MITF: variants seen among roughly 807,000 people sequenced by gnomAD.
MITF encodes the protein melanocyte inducing transcription factor.
In MITF, 17 loss-of-function variants were observed where a neutral mutation model predicts 60.5. The ratio of observed to expected loss-of-function variants is 0.28; its 90% CI spans 0.19 to 0.42. The LOEUF (loss-of-function observed/expected upper bound fraction) is 0.42. MITF is among the 10% of genes least tolerant of loss of function. The pLI is 1.00. For synonymous variants in MITF, 260 were observed against 248.5 expected, an observed-to-expected ratio of 1.05 and a Z score of -0.43; for missense variants, 622 against 683.5, an observed-to-expected ratio of 0.91 and a Z score of 1.00.
intron 1 of MITF, among the ~76,000 whole-genome samples, chr3:69,753,553 C>T (rs1704014625): frequency 6.6e-6 from 1 of 152,222 alleles, no homozygotes; most frequent in African/African-American, 2.4e-5. Context: ...AAGCCACAGG[C>T]AGTCAATGCC....
In MITF at chr3:69,808,362, T is replaced by C. The variant is rs75248452; in HGVS notation, c.104+68661T>C. ...GGGCAGCAGGTATAAACTGGAACTATCTCAGGAAAGTTGAGATGAATGGTC... is the reference window on the plus strand; with the variant it reads ...GGGCAGCAGGTATAAACTGGAACTACCTCAGGAAAGTTGAGATGAATGGTC... On this transcript the variant is annotated intron_variant, in intron 1 of 9. Transcript: ENST00000352241. 3.9e-5 allele frequency among the ~76,000 whole-genome samples: 6 copies of C among 152,232 alleles called. No individual in the cohort carries two copies. The East Asian group carries it at 1.2e-3, about 29-fold the overall frequency.
In MITF at chr3:69,950,448, T is replaced by TTATATATATA. The variant is rs10604038; in HGVS notation, c.880+1300_880+1309dup. Among the ~76,000 whole-genome samples, 522 of 130,768 alleles carry TTATATATATA rather than the reference T, an allele frequency of 4.0e-3. 2 individuals are homozygous for TTATATATATA. The highest frequency in any genetic ancestry group is 0.025 in the Middle Eastern group (6 of 244). The allele number at this position is 130,768 out of a possible 152,430, so 85.8% of individuals were successfully genotyped here. ...CAACTGAAAGAATTCAACTTCTGAGTTATATATATATATATATATATATAT... is the reference window on the plus strand; with the variant it reads ...CAACTGAAAGAATTCAACTTCTGAGTTATATATATATATATATATATATATATATATATAT... On this transcript the variant is annotated intron_variant, in intron 6 of 9. Coordinates refer to ENST00000352241, the MANE Select transcript of MITF (RefSeq NM_001354604.2).
chr3:69,798,123 T>C (rs1448958892), intron 1 of MITF, among the ~76,000 whole-genome samples: 2 of 152,180 alleles, frequency 1.3e-5, no homozygotes, highest in Non-Finnish European at 2.9e-5. Flanking sequence ...TGCCTCAGTC[T>C]CCCCATGTGT....
chr3:69,959,447 T>C lies in MITF; in HGVS notation c.1179+27T>C, dbSNP rs199850529. 5.1e-5 allele frequency: 82 copies of C among 1,613,228 alleles called. 1 individual carries two copies. Among genetic ancestry groups the C allele is most frequent in the Non-Finnish European group, 6.8e-6 (8 of 1,179,624 alleles). On this transcript the variant is annotated intron_variant, in intron 9 of 9. Coordinates refer to ENST00000352241, the MANE Select transcript of MITF (RefSeq NM_001354604.2). ...TACGCAGCCTGAGTTGTGTAAAGTT[T>C]ACTGCTTTTTACCGACTTCAAGACA...
intron 1 of MITF, among the ~76,000 whole-genome samples, chr3:69,745,727 G>A (rs761317664): frequency 2.4e-4 from 37 of 152,250 alleles, no homozygotes; most frequent in Admixed American, 1.2e-3. Context: ...AGGGAGCCCT[G>A]CTTAAGTGCT....
At chr3:69,772,021 G>A (rs1559620648) in intron 1 of MITF, among the ~76,000 whole-genome samples, 1 of 152,188 alleles carries the variant, frequency 6.6e-6, no homozygotes, top group East Asian at 1.9e-4. Flanking sequence ...TAGGATTGAT[G>A]TATGTCTTTT....
chr3:69,764,503 G>T (rs1365548447), intron 1 of MITF, among the ~76,000 whole-genome samples: 1 of 152,208 alleles, frequency 6.6e-6, no homozygotes, highest in East Asian at 1.9e-4. Context: ...TCTTTGTCTT[G>T]CAGTTTAAAC....
At chr3:69,961,713 A>C (rs2066553442) in intron 9 of MITF, among the ~76,000 whole-genome samples, 1 of 152,218 alleles carries the variant, frequency 6.6e-6, no homozygotes, top group African/African-American at 2.4e-5. Context: ...CTATAGAGCA[A>C]GACTCCGTCT....
chr3:69,835,549 C>G (rs1367899508), intron 1 of MITF, among the ~76,000 whole-genome samples: 1 of 152,032 alleles, frequency 6.6e-6, no homozygotes, highest in East Asian at 1.9e-4. Context: ...AAATCCTTGC[C>G]AAGCCCAGTG....
chr3:69,927,867 A>G (rs774007073), intron 2 of MITF, among the ~76,000 whole-genome samples: 6 of 152,252 alleles, frequency 3.9e-5, no homozygotes, highest in Middle Eastern at 3.2e-3. Context: ...GAAAGCCTGA[A>G]CTATATGGCT....
At chr3:69,876,454 C>T (rs2064356874) in intron 1 of MITF, among the ~76,000 whole-genome samples, 1 of 151,252 alleles carries the variant, frequency 6.6e-6, no homozygotes, top group Non-Finnish European at 1.5e-5. Flanking sequence ...TCACAGCTCT[C>T]CTTCTTTTCT....
chr3:69,871,582 C>T (rs1276636373), intron 1 of MITF, among the ~76,000 whole-genome samples: 1 of 152,198 alleles, frequency 6.6e-6, no homozygotes, highest in Non-Finnish European at 1.5e-5. Flanking sequence ...TTCACTGCTC[C>T]TTAGATTACA....
At chr3:69,778,140 G>T (rs2062504571) in intron 1 of MITF, among the ~76,000 whole-genome samples, 1 of 152,160 alleles carries the variant, frequency 6.6e-6, no homozygotes. Context: ...AGTGGTAAGA[G>T]AGAGCAAGGA....
At chr3:69,840,184 C>T (rs1357375239) in intron 1 of MITF, among the ~76,000 whole-genome samples, 1 of 152,150 alleles carries the variant, frequency 6.6e-6, no homozygotes, top group Non-Finnish European at 1.5e-5. Flanking sequence ...CAAGGGTGGT[C>T]ATCTGTCCTC....
intron 1 of MITF, among the ~76,000 whole-genome samples, chr3:69,812,493 C>G (rs1301158193): frequency 6.6e-6 from 1 of 152,150 alleles, no homozygotes; most frequent in East Asian, 1.9e-4. Context: ...TTTAAGTGTT[C>G]ATTGAATTCT....
rs200650168 is a variant in MITF, at chr3:69,965,298, G to A, written c.*50G>A. On this transcript the variant is annotated 3_prime_UTR_variant, in exon 10 of 10. Transcript: ENST00000352241. ...CACAAACTGCTTCCTTTCTTGATTC[G>A]TAGATTTAATAACTTACCTGAAGGG... 1.0e-4 allele frequency: 160 copies of A among 1,596,146 alleles called. 3 individuals are homozygous for A. The East Asian group carries it at 1.3e-3, about 13-fold the overall frequency.
intron 1 of MITF, among the ~76,000 whole-genome samples, chr3:69,783,425 T>C (rs1313511907): frequency 6.6e-6 from 1 of 151,626 alleles, no homozygotes; most frequent in Non-Finnish European, 1.5e-5. Context: ...GAATACTTAG[T>C]CAAGTGTTTG....
At chr3:69,960,481 A>C (rs1481432127) in intron 9 of MITF, among the ~76,000 whole-genome samples, 1 of 152,118 alleles carries the variant, frequency 6.6e-6, no homozygotes, top group African/African-American at 2.4e-5. Flanking sequence ...GTTGAGTGAA[A>C]GGGCACTACT....
At chr3:69,892,796 CA>C (rs2064788530) in intron 2 of MITF, among the ~76,000 whole-genome samples, 1 of 152,176 alleles carries the variant, frequency 6.6e-6, no homozygotes, top group Non-Finnish European at 1.5e-5. Context: ...TCTCTGACAT[CA>C]AAGGTCTTTC....
Sources: allele counts gnomAD v4.1 joint callset (sites outside exome capture counted in the v4.1 genomes callset), GRCh38; gene constraint gnomAD v4.1.1; transcripts MANE v1.5; gene names NCBI Gene and HGNC (gene_info 2026-07-23, HGNC 2026-07-21).